GRIK4: variants seen among roughly 807,000 people sequenced by gnomAD.
GRIK4 encodes the protein glutamate receptor ionotropic, kainate 4.
Under a neutral mutation model 104.9 loss-of-function variants are expected in GRIK4, and 40 were observed. That is an observed-to-expected ratio of 0.38 (90% CI 0.30 to 0.50). GRIK4 has a LOEUF of 0.50. Among genes scored for constraint, GRIK4 ranks in the 20% least tolerant of loss-of-function variants. The probability of loss-of-function intolerance (pLI) is 0.93; values close to 1 mark genes in which losing one functional copy is unlikely to be tolerated. For missense variants in GRIK4, 1,047 were observed against 1,308.1 expected (o/e 0.80, Z 3.08); for synonymous variants, 485 against 524.9 (o/e 0.92, Z 1.04).
intron 1 of GRIK4, among the ~76,000 whole-genome samples, chr11:120,522,620 T>G (rs1947809426): frequency 6.6e-6 from 1 of 152,096 alleles, no homozygotes; most frequent in African/African-American, 2.4e-5. Context: ...TGCACCTGGC[T>G]CCCATGGGTC....
At chr11:120,781,061 T>C (rs1236308963) in intron 3 of GRIK4, among the ~76,000 whole-genome samples, 1 of 151,976 alleles carries the variant, frequency 6.6e-6, no homozygotes. Context: ...GTTTTTATAG[T>C]GGCTGTACCA....
At chr11:120,656,654 A>T (rs925419394) in intron 2 of GRIK4, among the ~76,000 whole-genome samples, 1 of 152,150 alleles carries the variant, frequency 6.6e-6, no homozygotes, top group Admixed American at 6.5e-5. Context: ...TGAGGTCAGG[A>T]GTTCGAGACC....
At chr11:120,597,785 G>A (rs941790710) in intron 1 of GRIK4, among the ~76,000 whole-genome samples, 6 of 152,098 alleles carry the variant, frequency 3.9e-5, no homozygotes, top group Non-Finnish European at 7.4e-5. Context: ...GACTGTGGAT[G>A]AGTCCCTTTT....
chr11:120,589,414 G>A (rs1255218241), intron 1 of GRIK4, among the ~76,000 whole-genome samples: 1 of 152,102 alleles, frequency 6.6e-6, no homozygotes, highest in African/African-American at 2.4e-5. Context: ...TTCTAGAGAG[G>A]GCTTGACAGA....
intron 10 of GRIK4, among the ~76,000 whole-genome samples, chr11:120,874,786 G>A (rs1954731130): frequency 6.6e-6 from 1 of 152,202 alleles, no homozygotes; most frequent in South Asian, 2.1e-4. Flanking sequence ...ACCTGGGGGT[G>A]GGTGAGTGCC....
intron 1 of GRIK4, among the ~76,000 whole-genome samples, chr11:120,620,421 T>C (rs1221056207): frequency 2.6e-5 from 4 of 152,082 alleles, no homozygotes; most frequent in African/African-American, 4.8e-5. Context: ...CCAGTCCCCA[T>C]GTATGGCCAC....
Position 120,965,557 on chromosome 11 carries a change from G to A in GRIK4, c.2267-1638G>A, listed in dbSNP as rs139905141. Among the ~76,000 whole-genome samples, 215 of 152,048 alleles carry A rather than the reference G, an allele frequency of 1.4e-3. 1 individual carries two copies. Among genetic ancestry groups the A allele is most frequent in the Middle Eastern group, 0.01 (3 of 294 alleles). On this transcript the variant is annotated intron_variant, in intron 18 of 20. Transcript: ENST00000527524. ...TACTCTACATGAAGCTCTGCTGGTG[G>A]TTGCCCAAATCACTGACACACATCC...
intron 2 of GRIK4, among the ~76,000 whole-genome samples, chr11:120,656,046 G>A (rs546417303): frequency 1.8e-4 from 28 of 152,188 alleles, no homozygotes; most frequent in Non-Finnish European, 3.8e-4. Flanking sequence ...GGTAATGGTC[G>A]TGGAAAGAGC....
At chr11:120,772,948 G>T (rs1296226396) in intron 3 of GRIK4, among the ~76,000 whole-genome samples, 1 of 152,148 alleles carries the variant, frequency 6.6e-6, no homozygotes, top group Admixed American at 6.5e-5. Flanking sequence ...AGGCAATGAG[G>T]ATATAAAGTT....
rs537631906 is a variant in GRIK4, at chr11:120,518,793, G to T, written c.-159+6906G>T. Among the ~76,000 whole-genome samples the T allele has an allele frequency of 2.0e-5, 3 of 152,082 alleles. No individual in the cohort carries two copies. In the South Asian group the frequency reaches 6.2e-4, roughly 32 times the overall value. ...AATACCACCCCCGGCTAATTTTTTT[G>T]TATTTTTAGTAGATACCAGGTTTCA... On this transcript the variant is annotated intron_variant, in intron 1 of 20. Transcript: ENST00000527524.
chr11:120,845,870 G>A (rs1185265876), intron 8 of GRIK4, among the ~76,000 whole-genome samples: 2 of 152,200 alleles, frequency 1.3e-5, no homozygotes, highest in East Asian at 3.8e-4. Context: ...CTAGAAAAAA[G>A]AGTGATGGAG....
chr11:120,719,909 G>T (rs75030117), intron 3 of GRIK4, among the ~76,000 whole-genome samples: 4 of 151,720 alleles, frequency 2.6e-5, no homozygotes, highest in Non-Finnish European at 5.9e-5. Context: ...CAGAGAAGCC[G>T]AGAAAAGAGG....
At chr11:120,981,404 T>G (rs1944650244) in intron 19 of GRIK4, among the ~76,000 whole-genome samples, 2 of 152,292 alleles carry the variant, frequency 1.3e-5, no homozygotes, top group South Asian at 4.1e-4. Flanking sequence ...TGTAAACTAA[T>G]TTTAGGAATG....
At chr11:120,878,594 A>G (rs1954879983) in intron 11 of GRIK4, among the ~76,000 whole-genome samples, 1 of 147,474 alleles carries the variant, frequency 6.8e-6, no homozygotes, top group African/African-American at 2.5e-5. Flanking sequence ...GTGGATGGTG[A>G]TCATTCTCTT....
chr11:120,656,734 A>T (rs897173607), intron 2 of GRIK4, among the ~76,000 whole-genome samples: 1 of 152,170 alleles, frequency 6.6e-6, no homozygotes, highest in Non-Finnish European at 1.5e-5. Context: ...GGCATCTGTA[A>T]TCCCAGCTAC....
At chr11:120,516,801 G>T (rs546592924) in intron 1 of GRIK4, among the ~76,000 whole-genome samples, 3 of 152,124 alleles carry the variant, frequency 2.0e-5, no homozygotes, top group African/African-American at 7.2e-5. Context: ...TGGGCGATGC[G>T]AGGGGAGTAG....
In GRIK4 at chr11:120,940,591, A is replaced by G. The variant is rs1292171349; in HGVS notation, c.1590+131A>G. 1 of 626,736 alleles carries G rather than the reference A, an allele frequency of 1.6e-6. No individual in the cohort carries two copies. Among genetic ancestry groups the G allele is most frequent in the African/African-American group, 1.8e-5 (1 of 54,248 alleles). 38.8% of individuals were successfully genotyped at this position (626,736 alleles called of 1,614,324 possible). A position where few individuals can be genotyped will look rare whatever the true frequency, so the allele number is the denominator to read the frequency against. On this transcript the variant is annotated intron_variant, in intron 14 of 20. Coordinates refer to ENST00000527524, the MANE Select transcript of GRIK4 (RefSeq NM_014619.5). This position sits in a 1 kb window ranked among gnomAD's most constrained non-coding sequence, Gnocchi z 4.3. ...GACTTAAATGCAAATGTGCTGGGCTATTTTTTCTCCTATCATCTGCACGAA... is the reference window on the plus strand; with the variant it reads ...GACTTAAATGCAAATGTGCTGGGCTGTTTTTTCTCCTATCATCTGCACGAA...
chr11:120,927,175 G>A (rs1264489978), intron 13 of GRIK4, among the ~76,000 whole-genome samples: 3 of 87,592 alleles, frequency 3.4e-5, no homozygotes, highest in East Asian at 9.5e-4. Flanking sequence ...GCCACGGTAA[G>A]GAGTTGGGTC....
intron 8 of GRIK4, among the ~76,000 whole-genome samples, chr11:120,855,397 G>A (rs1443868379): frequency 1.3e-5 from 2 of 152,208 alleles, no homozygotes; most frequent in Non-Finnish European, 2.9e-5. Context: ...TCTCAGTGAA[G>A]TGCTCAGTTT....
Sources: allele counts gnomAD v4.1 joint callset (sites outside exome capture counted in the v4.1 genomes callset), GRCh38; gene constraint gnomAD v4.1.1; non-coding constraint Gnocchi (gnomAD v3.1); transcripts MANE v1.5; gene names NCBI Gene and HGNC (gene_info 2026-07-23, HGNC 2026-07-21).